The following WDR86 variants were observed in gnomAD, a reference collection of about 807,000 sequenced individuals.
The protein encoded by WDR86 is WD repeat-containing protein 86.
A neutral mutation model predicts 36.5 loss-of-function variants in WDR86; 30 were observed. That is an observed-to-expected ratio of 0.82 (90% CI 0.61 to 1.11). The LOEUF (loss-of-function observed/expected upper bound fraction) is 1.11. WDR86 is among the 50% of genes most tolerant of loss of function. The pLI, the probability that WDR86 is intolerant of heterozygous loss-of-function variation, is 0.00. For synonymous variants in WDR86, 255 were observed against 252.9 expected, an observed-to-expected ratio of 1.01 and a Z score of -0.08; for missense variants, 545 against 561.2, an observed-to-expected ratio of 0.97 and a Z score of 0.29.
chr7:151,375,716 T>C (rs984615922), downstream of WDR86: 5 of 642,864 alleles, frequency 7.8e-6, no homozygotes, highest in Admixed American at 6.5e-5. Context: ...CCAGCCTGAG[T>C]GGGAGCCCCT....
rs1224553451 is a variant in WDR86 at position 151,395,954 on chromosome 7, C to T, written c.548G>A (p.Gly183Asp). 2 of 1,585,286 alleles carry T rather than the reference C, an allele frequency of 1.3e-6. No homozygotes were observed. The highest frequency in any genetic ancestry group is 1.7e-6 in the Non-Finnish European group (2 of 1,169,844). The change falls in exon 3 of 6, where the codon GGC (glycine) becomes GAC (aspartate). Residue 183 changes from glycine (G) to aspartate (D), a missense_variant. By Grantham distance (94) the Gly-to-Asp change is moderately conservative (BLOSUM62 -1). Transcript: ENST00000334493. ...GTAKVWQVAS[G>D]CCHQTLRGHT... ...GCCCCGCAGCGTCTGGTGGCAGCAGCCGCTGGCCACCTGCCACACCTTGGC... is the reference window on the plus strand; with the variant it reads ...GCCCCGCAGCGTCTGGTGGCAGCAGTCGCTGGCCACCTGCCACACCTTGGC...
rs1801092784 is a variant in WDR86, at chr7:151,409,943, C to T, written c.-354G>A. 2.9e-6 allele frequency: 3 copies of T among 1,049,198 alleles called. No individual in the cohort carries two copies. Among genetic ancestry groups the T allele is most frequent in the Non-Finnish European group, 3.4e-6 (3 of 872,042 alleles). The allele number at this position is 1,049,198 out of a possible 1,614,324, so 65.0% of individuals were successfully genotyped here. A position where few individuals can be genotyped will look rare whatever the true frequency, so the allele number is the denominator to read the frequency against. On this transcript the variant is annotated 5_prime_UTR_variant, in exon 1 of 6. Transcript: ENST00000334493. The surrounding 1 kb of genome is among the most constrained non-coding windows in gnomAD (Gnocchi z 5.2). The stretch of plus-strand genomic sequence containing the variant: ...GCGTCTCTGGTGCACAAGGAGCCCC[C>T]CGCCTCCTCTCGCGCCCACGGGGCT...
rs941895280 is a variant in WDR86, at chr7:151,381,415, T to A, written c.*167A>T. On this transcript the variant is annotated 3_prime_UTR_variant, in exon 6 of 6. Coordinates refer to ENST00000334493, the MANE Select transcript of WDR86 (RefSeq NM_198285.3). The surrounding 1 kb of genome is among the most constrained non-coding windows in gnomAD (Gnocchi z 4.8). ...GAGCACTCCCGCTCCCAGCGCCTCC[T>A]GGCCACCAAAGAAAAACCAGACGCC... is the stretch of plus-strand genomic sequence containing the variant. 2.0e-6 allele frequency: 3 copies of A among 1,487,920 alleles called. 1 individual carries two copies. The South Asian group carries it at 3.8e-5, about 19-fold the overall frequency. 92.2% of individuals were successfully genotyped at this position (1,487,920 alleles called of 1,614,324 possible).
At chr7:151,389,986 G>C (rs1455361678) in intron 3 of WDR86, among the ~76,000 whole-genome samples, 1 of 152,180 alleles carries the variant, frequency 6.6e-6, no homozygotes, top group African/African-American at 2.4e-5. Context: ...GGGGGTGCCG[G>C]TGAGCCAGGG....
rs988447335 is a variant in WDR86 at position 151,390,899 on chromosome 7, G to A, written c.726+4877C>T. Reference sequence around the variant, plus strand: ...CCGGGGCATGGAAGAGCAGCGGGGAGTCAGTGTTTAATGGGGACAGAGTTC... The same window carrying A: ...CCGGGGCATGGAAGAGCAGCGGGGAATCAGTGTTTAATGGGGACAGAGTTC... On this transcript the variant is annotated intron_variant, in intron 3 of 5. Transcript: ENST00000334493. This position sits in a 1 kb window ranked among gnomAD's most constrained non-coding sequence, Gnocchi z 4.5. Among the ~76,000 whole-genome samples the A allele has an allele frequency of 1.1e-4, 16 of 152,276 alleles. No individual in the cohort carries two copies. Among genetic ancestry groups the A allele is most frequent in the African/African-American group, 3.9e-4 (16 of 41,474 alleles).
the WDR86 span, among the ~76,000 whole-genome samples, chr7:151,370,694 T>TC: frequency 1.4e-5 from 1 of 71,526 alleles, no homozygotes; most frequent in Admixed American, 1.5e-4. Flanking sequence ...CCCTCCCCCC[T>TC]CCCCCCACCC....
At chr7:151,382,022 G>A (rs1160881188) in intron 4 of WDR86, 41 bp from the exon 5 acceptor site, 15 of 1,542,634 alleles carry the variant, frequency 9.7e-6, no homozygotes, top group Non-Finnish European at 1.3e-5. Context: ...CTCCCTGCTC[G>A]GCCCCCCGCA....
At chr7:151,397,756 C>A (rs111479982) in intron 2 of WDR86, among the ~76,000 whole-genome samples, 1 of 85,704 alleles carries the variant, frequency 1.2e-5, no homozygotes. Flanking sequence ...GAGGGTGTAG[C>A]GGGAGGAAGA....
chr7:151,407,640 A>T (rs1228830171), intron 1 of WDR86, among the ~76,000 whole-genome samples: 1 of 152,132 alleles, frequency 6.6e-6, no homozygotes, highest in South Asian at 2.1e-4. Context: ...GGAGTTCAAG[A>T]CCAGCCTGGC....
upstream of WDR86, chr7:151,410,519 T>C (rs1348657619): frequency 6.6e-6 from 1 of 152,160 alleles, no homozygotes; most frequent in Non-Finnish European, 1.5e-5. Flanking sequence ...CCCAGGATTC[T>C]ACTTTGGTCT....
At chr7:151,380,681 C>A (rs1261332729), downstream of WDR86, among the ~76,000 whole-genome samples, 1 of 152,018 alleles carries the variant, frequency 6.6e-6, no homozygotes, top group East Asian at 1.9e-4. Flanking sequence ...GGGCACAGGG[C>A]TCCCCTTGGG....
chr7:151,395,599 C>T (rs3815333), intron 3 of WDR86, among the ~76,000 whole-genome samples, 177 bp downstream of exon 3: 24 of 151,720 alleles, frequency 1.6e-4, no homozygotes, highest in South Asian at 4.2e-4. Context: ...ACCAGTACTG[C>T]GGACCCCTTA....
In WDR86 at chr7:151,390,677, G is replaced by A. The variant is rs1022054517; in HGVS notation, c.726+5099C>T. Among the ~76,000 whole-genome samples, 1 of 152,202 alleles carries A rather than the reference G, an allele frequency of 6.6e-6. No individual in the cohort carries two copies. The highest frequency in any genetic ancestry group is 2.4e-5 in the African/African-American group (1 of 41,462). On this transcript the variant is annotated intron_variant, in intron 3 of 5. Transcript: ENST00000334493. The surrounding 1 kb of genome is among the most constrained non-coding windows in gnomAD (Gnocchi z 4.5). ...AACAGGTGACGGATAAGCGCAATGT[G>A]GTATCCACATACCAGGGAATATTTA... is the stretch of plus-strand genomic sequence containing the variant.
At chr7:151,402,091 A>ATATATATATATATATCTC (rs1365492180) in intron 1 of WDR86, among the ~76,000 whole-genome samples, 5 of 124,190 alleles carry the variant, frequency 4.0e-5, no homozygotes, top group African/African-American at 1.3e-4. Context: ...ATATATATAT[A>ATATATATATATATATCTC]TCTCCACAAA....
chr7:151,376,938 C>A, downstream of WDR86: 1 of 1,407,060 alleles, frequency 7.1e-7, no homozygotes, highest in South Asian at 1.5e-5. Flanking sequence ...GGCCGGCCAC[C>A]TGGACAGTGT....
rs1038812633 is a variant in WDR86, at chr7:151,381,428, A to T, written c.*154T>A. ...CCCAGCGCCTCCTGGCCACCAAAGA[A>T]AAACCAGACGCCTGCGACGGGCTCT... On this transcript the variant is annotated 3_prime_UTR_variant, in exon 6 of 6. Transcript: ENST00000334493. The surrounding 1 kb of genome is among the most constrained non-coding windows in gnomAD (Gnocchi z 4.8). The T allele has an allele frequency of 6.7e-7, 1 of 1,490,746 alleles. No individual in the cohort carries two copies. 92.3% of individuals were successfully genotyped at this position (1,490,746 alleles called of 1,614,324 possible). A position where few individuals can be genotyped will look rare whatever the true frequency, so the allele number is the denominator to read the frequency against.
intron 4 of WDR86, 93 bp downstream of exon 4, chr7:151,384,995 G>C: frequency 7.3e-7 from 1 of 1,362,414 alleles, no homozygotes; most frequent in Non-Finnish European, 9.9e-7. Flanking sequence ...TGGCAGCCAA[G>C]GCTCAATGAG....
chr7:151,406,984 G>C lies in WDR86; in HGVS notation c.163+2443C>G, dbSNP rs1468939113. Among the ~76,000 whole-genome samples the C allele has an allele frequency of 2.0e-5, 3 of 151,908 alleles. No individual in the cohort carries two copies. The highest frequency in any genetic ancestry group is 7.3e-5 in the African/African-American group (3 of 41,318). On this transcript the variant is annotated intron_variant, in intron 1 of 5. Transcript: ENST00000334493. This position sits in a 1 kb window ranked among gnomAD's most constrained non-coding sequence, Gnocchi z 4.4. The stretch of plus-strand genomic sequence containing the variant: ...GAACTGGCAACACCTTGCTTTCTTT[G>C]GGGATCCACACAAAAGGACTGTCAC...
intron 3 of WDR86, among the ~76,000 whole-genome samples, chr7:151,391,435 G>A (rs1474207146): frequency 2.6e-5 from 4 of 152,302 alleles, no homozygotes; most frequent in Admixed American, 1.3e-4. Context: ...GAGTGGTGTC[G>A]GGTGAAAGAA....
Sources: gnomAD v4.1 joint callset for allele counts (sites outside exome capture counted in the v4.1 genomes callset) on GRCh38, gnomAD v4.1.1 for gene constraint, Gnocchi (gnomAD v3.1) non-coding constraint, MANE v1.5 for transcripts, NCBI Gene and HGNC (gene_info 2026-07-23, HGNC 2026-07-21) for gene names.